The following FTCD variants were observed in gnomAD, a reference collection of about 807,000 sequenced individuals.
FTCD encodes formimidoyltransferase-cyclodeaminase.
FTCD carries 76 observed loss-of-function variants against 62.9 expected under a neutral mutation model. The ratio of observed to expected loss-of-function variants is 1.21; its 90% CI spans 1.00 to 1.46. FTCD has a LOEUF of 1.46. Ranked by LOEUF, FTCD falls within the 40% of genes most tolerant of loss-of-function variation. FTCD has a pLI of 0.00. For synonymous variants in FTCD, 397 were observed against 336.9 expected, an observed-to-expected ratio of 1.18 and a Z score of -1.95; for missense variants, 845 against 751.3, an observed-to-expected ratio of 1.12 and a Z score of -1.46.
intron 7 of FTCD, chr21:46,146,658 C>T: frequency 2.2e-6 from 1 of 464,836 alleles, no homozygotes; most frequent in East Asian, 3.7e-5. Flanking sequence ...CCCCCCAGCA[C>T]CACTGCCCCA....
At chr21:46,147,563 C>T (rs1182422160) in intron 7 of FTCD, among the ~76,000 whole-genome samples, 4 of 152,162 alleles carry the variant, frequency 2.6e-5, no homozygotes, top group African/African-American at 7.2e-5. Flanking sequence ...AGCAAAGCAG[C>T]CTCACCACAA....
At chr21:46,143,366 C>G (rs1002114774) in intron 10 of FTCD, among the ~76,000 whole-genome samples, 131 of 151,706 alleles carry the variant, frequency 8.6e-4, no homozygotes, top group African/African-American at 3.1e-3. Flanking sequence ...CTCCCTACCC[C>G]CCCTCCCCAT....
At chr21:46,139,872 A>T (rs943677973) in intron 10 of FTCD, among the ~76,000 whole-genome samples, 2 of 151,458 alleles carry the variant, frequency 1.3e-5, no homozygotes, top group Admixed American at 6.6e-5. Flanking sequence ...CGCTACGAAC[A>T]CTCTCTCACA....
At chr21:46,145,291 C>T (rs996436734) in intron 10 of FTCD, 126 bp downstream of exon 10, 10 of 749,176 alleles carry the variant, frequency 1.3e-5, no homozygotes, top group Admixed American at 5.4e-5. Flanking sequence ...CCAGTGGTGA[C>T]GCCCTCAGGC....
chr21:46,155,489 G>A lies in FTCD; in HGVS notation c.35C>T (p.Ser12Leu), dbSNP rs201753824. The change falls in exon 1 of 14, where the codon TCG becomes TTG. Residue 12 changes from serine (S) to leucine (L), a missense_variant. Transcript: ENST00000397746. The stretch of plus-strand genomic sequence containing the variant: ...CCTCACCTCCTGGTTCTTCCCCTCC[G>A]AAAAGTTGGGGACGCATTCCACCAG... ...SQLVECVPNF[S>L]EGKNQEVIDA... 1.6e-5 allele frequency: 25 copies of A among 1,612,874 alleles called. No homozygotes were observed. The highest frequency in any genetic ancestry group is 9.3e-5 in the African/African-American group (7 of 75,046).
rs563463493 is a variant in FTCD, at chr21:46,154,658, G to A, written c.55-326C>T. On this transcript the variant is annotated intron_variant, in intron 1 of 13. Transcript: ENST00000397746. ...GGGATCCAAGAAGGTGACCACAGGC[G>A]CAGGTCACAGAGGGGCCGGGACCCC... Among the ~76,000 whole-genome samples, 501 of 152,370 alleles carry A rather than the reference G, an allele frequency of 3.3e-3. 3 individuals carry two copies. Among genetic ancestry groups the A allele is most frequent in the African/African-American group, 0.011 (450 of 41,596 alleles).
chr21:46,154,446 C>G lies in FTCD; in HGVS notation c.55-114G>C, dbSNP rs2079382472. ...ATGGGGGCTGAGGAGGCGGGCCAAG[C>G]CTTTGGGGGCTCTCCGACAAGCTGA... On this transcript the variant is annotated intron_variant, in intron 1 of 13. Transcript: ENST00000397746. 1.7e-5 allele frequency: 21 copies of G among 1,267,096 alleles called. No individual in the cohort carries two copies. The South Asian group carries it at 2.0e-4, about 12-fold the overall frequency. The allele number at this position is 1,267,096 out of a possible 1,614,324, so 78.5% of individuals were successfully genotyped here.
chr21:46,153,308 C>G (rs904794795), intron 2 of FTCD, among the ~76,000 whole-genome samples: 1 of 152,196 alleles, frequency 6.6e-6, no homozygotes, highest in African/African-American at 2.4e-5. Flanking sequence ...AGCAGCAGCA[C>G]CTGAGCGGGT....
intron 3 of FTCD, 196 bp from the exon 4 acceptor site, chr21:46,152,176 C>T (rs2079305658): frequency 3.6e-6 from 2 of 550,476 alleles, no homozygotes; most frequent in South Asian, 5.3e-5. Context: ...GGCCAGCACC[C>T]CTGCCCACCC....
chr21:46,141,897 G>T, intron 10 of FTCD, among the ~76,000 whole-genome samples: 1 of 152,188 alleles, frequency 6.6e-6, no homozygotes, highest in Non-Finnish European at 1.5e-5. Flanking sequence ...TCTGCAAGCA[G>T]GTGTTGGGTG....
In FTCD at chr21:46,154,151, T is replaced by C; in HGVS notation, c.236A>G (p.Gln79Arg). 6.2e-7 allele frequency: 1 copy of C among 1,612,716 alleles called. No individual in the cohort carries two copies. Among genetic ancestry groups the C allele is most frequent in the Non-Finnish European group, 8.5e-7 (1 of 1,179,896 alleles). Reference protein sequence around the residue: ...ASRLIDMSRHQGEHPRMGALD... With the variant: ...ASRLIDMSRHRGEHPRMGALD... ...ACAGGAGAGCCCAGAGACCTCACCTTGGTGCCTGCTCATGTCGATAAGTCG... is the reference window on the plus strand; with the variant it reads ...ACAGGAGAGCCCAGAGACCTCACCTCGGTGCCTGCTCATGTCGATAAGTCG... Residue 79 changes from glutamine to arginine, a missense_variant and splice_region_variant, in exon 2 of 14, where the codon CAA becomes CGA. Transcript: ENST00000397746.
chr21:46,146,204 C>A (rs1043013862), intron 8 of FTCD, 62 bp downstream of exon 8: 3 of 1,238,372 alleles, frequency 2.4e-6, no homozygotes, highest in Non-Finnish European at 3.5e-6. Flanking sequence ...CCCAGCGCCC[C>A]GCAAGGCCCG....
chr21:46,138,375 C>A, intron 12 of FTCD, 133 bp downstream of exon 12: 1 of 839,972 alleles, frequency 1.2e-6, no homozygotes, highest in Non-Finnish European at 1.9e-6. Context: ...GCCAAAGCCC[C>A]GGGAACTGCC....
chr21:46,151,553 G>A lies in FTCD; in HGVS notation c.636+5C>T, dbSNP rs778097816. The A allele has an allele frequency of 6.2e-7, 1 of 1,611,408 alleles. No individual in the cohort carries two copies. The highest frequency in any genetic ancestry group is 8.5e-7 in the Non-Finnish European group (1 of 1,178,848). ...GGGCTCCATGGGGTCAGTGAACGGG[G>A]TCACCTGGTCCTTCCCGCGGCCCTG... On this transcript the variant is annotated splice_donor_5th_base_variant and intron_variant, in intron 5 of 13. Coordinates refer to ENST00000397746, the MANE Select transcript of FTCD (RefSeq NM_206965.2).
chr21:46,141,628 A>T (rs2079008883), intron 10 of FTCD, among the ~76,000 whole-genome samples: 1 of 152,064 alleles, frequency 6.6e-6, no homozygotes, highest in South Asian at 2.1e-4. Flanking sequence ...AAAGATTAAG[A>T]GTCATTGTCA....
At chr21:46,144,058 C>G (rs1224581050) in intron 10 of FTCD, among the ~76,000 whole-genome samples, 1 of 151,534 alleles carries the variant, frequency 6.6e-6, no homozygotes, top group Non-Finnish European at 1.5e-5. Flanking sequence ...GAGCTGTCCT[C>G]TCTCTCTCTG....
At chr21:46,140,954 C>A (rs1041548738) in intron 10 of FTCD, among the ~76,000 whole-genome samples, 2 of 151,958 alleles carry the variant, frequency 1.3e-5, no homozygotes, top group Admixed American at 1.3e-4. Flanking sequence ...GTAAACCAAT[C>A]CACTGATTTC....
At chr21:46,154,467 G>T (rs1263657086) in intron 1 of FTCD, 135 bp from the exon 2 acceptor site, 6 of 1,116,770 alleles carry the variant, frequency 5.4e-6, no homozygotes, top group African/African-American at 3.1e-5. Context: ...TCTCCGACAA[G>T]CTGAGCTCCC....
At chr21:46,146,442 T>A in intron 7 of FTCD, 115 bp from the exon 8 acceptor site, 1 of 760,896 alleles carries the variant, frequency 1.3e-6, no homozygotes, top group Non-Finnish European at 2.3e-6. Context: ...AGCACACAGG[T>A]GCTTTTGCGG....
Sources: gnomAD v4.1 joint callset for allele counts (sites outside exome capture counted in the v4.1 genomes callset) on GRCh38, gnomAD v4.1.1 for gene constraint, MANE v1.5 for transcripts, NCBI Gene and HGNC (gene_info 2026-07-23, HGNC 2026-07-21) for gene names.